Variants in SLC44A5 observed in about 807,000 individuals in gnomAD.
SLC44A5 encodes choline transporter-like protein 5.
A neutral mutation model predicts 101.8 loss-of-function variants in SLC44A5; 57 were observed. The observed-to-expected ratio is 0.56, with a 90% CI of 0.45 to 0.70. The LOEUF (loss-of-function observed/expected upper bound fraction) is 0.70. SLC44A5 is among the 30% of genes least tolerant of loss of function. The probability of loss-of-function intolerance (pLI) is 0.00; values close to 1 mark genes in which losing one functional copy is unlikely to be tolerated. For missense variants in SLC44A5, 737 were observed against 853.1 expected (o/e 0.86, Z 1.70); for synonymous variants, 281 against 290.9 (o/e 0.97, Z 0.35).
chr1:75,396,049 T>A lies in SLC44A5; in HGVS notation c.52+534A>T, dbSNP rs1182858332. 2.6e-5 allele frequency among the ~76,000 whole-genome samples: 4 copies of A among 152,288 alleles called. No homozygotes were observed. In the South Asian group the frequency reaches 8.3e-4, roughly 32 times the overall value. ...TCTGAAGGTGCAGATTCTGATTCAA[T>A]AAGTCTGGGATGGGACTTGAGATGC... On this transcript the variant is annotated intron_variant, in intron 3 of 23. Coordinates refer to ENST00000370859, the MANE Select transcript of SLC44A5 (RefSeq NM_001130058.2).
chr1:75,221,104 G>A (rs1479051591), intron 14 of SLC44A5, among the ~76,000 whole-genome samples: 1 of 152,204 alleles, frequency 6.6e-6, no homozygotes, highest in African/African-American at 2.4e-5. Context: ...GTAGTTTTCA[G>A]TGGCTAATGA....
the SLC44A5 span, among the ~76,000 whole-genome samples, chr1:75,706,238 T>A: frequency 6.6e-6 from 1 of 152,178 alleles, no homozygotes; most frequent in Non-Finnish European, 1.5e-5. Context: ...TGATTTCTTC[T>A]TTAACTTACA....
chr1:75,243,182 T>C (rs1401139215), intron 7 of SLC44A5, among the ~76,000 whole-genome samples, 171 bp from the exon 8 acceptor site: 1 of 152,100 alleles, frequency 6.6e-6, no homozygotes, highest in East Asian at 1.9e-4. Context: ...TTTTTTATTT[T>C]TTTAGAGACA....
upstream of SLC44A5, among the ~76,000 whole-genome samples, chr1:75,612,758 T>G (rs1351356641): frequency 3.3e-5 from 5 of 151,878 alleles, no homozygotes; most frequent in Non-Finnish European, 5.9e-5. Context: ...AACCTAAACA[T>G]AAGTTTTACA....
At chr1:75,537,396 C>G (rs888898587) in intron 2 of SLC44A5, among the ~76,000 whole-genome samples, 3 of 152,098 alleles carry the variant, frequency 2.0e-5, no homozygotes, top group African/African-American at 7.2e-5. Flanking sequence ...TGTTAGATAA[C>G]ATGTATCTCT....
upstream of SLC44A5, among the ~76,000 whole-genome samples, chr1:75,614,258 C>T (rs1198834188): frequency 1.3e-5 from 2 of 152,158 alleles, no homozygotes; most frequent in African/African-American, 4.8e-5. Context: ...TCTCTTCTTT[C>T]TTTACTCGTG....
At chr1:75,530,201 G>T (rs1670642720) in intron 2 of SLC44A5, among the ~76,000 whole-genome samples, 3 of 152,004 alleles carry the variant, frequency 2.0e-5, no homozygotes, top group Admixed American at 2.0e-4. Context: ...TAACAGAAAA[G>T]GGAAAAACAT....
chr1:75,479,782 C>T (rs1196411047), intron 2 of SLC44A5, among the ~76,000 whole-genome samples: 2 of 152,272 alleles, frequency 1.3e-5, no homozygotes, highest in East Asian at 3.9e-4. Flanking sequence ...CAAAAAGAGT[C>T]CAGGACCAGA....
intron 23 of SLC44A5, among the ~76,000 whole-genome samples, chr1:75,207,654 C>T (rs768041897): frequency 7.2e-5 from 11 of 152,146 alleles, no homozygotes; most frequent in Non-Finnish European, 1.3e-4. Context: ...ACATGATAGA[C>T]GCTGAACATT....
At chr1:75,349,325 C>T (rs754286381) in intron 3 of SLC44A5, among the ~76,000 whole-genome samples, 11 of 151,798 alleles carry the variant, frequency 7.2e-5, no homozygotes, top group Non-Finnish European at 1.2e-4. Flanking sequence ...GGAAACAGAG[C>T]GAGACTCCAT....
chr1:75,300,634 G>T lies in SLC44A5; in HGVS notation c.153C>A (p.Gly51=). ...CACCCACAAGTCCTAAAACAATGTA[G>T]CCAATAATACACAGTAGGAAGATCA... ...CCMIFLLCII[G]YIVLGLVAWV... Residue 51 remains glycine, a synonymous_variant, in exon 5 of 24, where the codon GGC becomes GGA. Transcript: ENST00000370859. 1 of 1,604,594 alleles carries T rather than the reference G, an allele frequency of 6.2e-7. No individual in the cohort carries two copies. Among genetic ancestry groups the T allele is most frequent in the Non-Finnish European group, 8.5e-7 (1 of 1,175,386 alleles).
At chr1:75,647,740 G>A in the SLC44A5 span, among the ~76,000 whole-genome samples, 1 of 152,146 alleles carries the variant, frequency 6.6e-6, no homozygotes, top group Admixed American at 6.5e-5. Context: ...AGACTTGTGT[G>A]AGGCCTATAG....
At chr1:75,320,547 G>A (rs758321098) in intron 4 of SLC44A5, among the ~76,000 whole-genome samples, 3 of 152,266 alleles carry the variant, frequency 2.0e-5, no homozygotes, top group Non-Finnish European at 2.9e-5. Context: ...TGCCTTGTAA[G>A]TTAAGGGAGG....
At chr1:75,548,016 T>A (rs1004451549) in intron 1 of SLC44A5, among the ~76,000 whole-genome samples, 18 of 152,194 alleles carry the variant, frequency 1.2e-4, no homozygotes, top group African/African-American at 4.3e-4. Context: ...ATGGAGCTTA[T>A]GTTTAAAAAT....
chr1:75,452,086 G>T (rs1377925930), intron 2 of SLC44A5, among the ~76,000 whole-genome samples: 1 of 151,954 alleles, frequency 6.6e-6, no homozygotes, highest in African/African-American at 2.4e-5. Context: ...ACCCCACAAA[G>T]GTATATAGTC....
At chr1:75,394,598 G>T (rs1459987569) in intron 3 of SLC44A5, among the ~76,000 whole-genome samples, 4 of 152,118 alleles carry the variant, frequency 2.6e-5, no homozygotes, top group Non-Finnish European at 5.9e-5. Context: ...AAGAGGAAGT[G>T]AAACGAGCCA....
intron 2 of SLC44A5, among the ~76,000 whole-genome samples, chr1:75,525,595 T>C (rs1013879559): frequency 6.6e-6 from 1 of 152,056 alleles, no homozygotes; most frequent in African/African-American, 2.4e-5. Context: ...GTAACATGAA[T>C]ACAATCTGTG....
intron 5 of SLC44A5, among the ~76,000 whole-genome samples, chr1:75,287,917 G>T (rs61798667): frequency 0.01 from 1,581 of 152,242 alleles, 26 homozygotes; most frequent in Middle Eastern, 0.034. Flanking sequence ...CTTATTTTGT[G>T]TTGGCCTCCA....
intron 3 of SLC44A5, among the ~76,000 whole-genome samples, chr1:75,384,339 T>A (rs1331359329): frequency 6.9e-6 from 1 of 145,722 alleles, no homozygotes; most frequent in East Asian, 2.0e-4. Context: ...ACACATAGGC[T>A]CAAAATAAAA....
Sources: allele counts gnomAD v4.1 joint callset (sites outside exome capture counted in the v4.1 genomes callset), GRCh38; gene constraint gnomAD v4.1.1; transcripts MANE v1.5; gene names NCBI Gene and HGNC (gene_info 2026-07-23, HGNC 2026-07-21).